Variants in GRIK1 observed in about 807,000 individuals in gnomAD.
GRIK1 encodes the protein glutamate receptor ionotropic, kainate 1.
Under a neutral mutation model 105.7 loss-of-function variants are expected in GRIK1, and 69 were observed. The observed-to-expected ratio is 0.65, with a 90% CI of 0.54 to 0.80. GRIK1 has a LOEUF of 0.80. Ranked by LOEUF, GRIK1 falls within the 30% of genes least tolerant of loss-of-function variation. GRIK1 has a pLI of 0.00. For synonymous variants in GRIK1, 438 were observed against 431.3 expected (o/e 1.02, Z -0.19); for missense variants, 1,109 against 1,167.3 (o/e 0.95, Z 0.73).
intron 1 of GRIK1, among the ~76,000 whole-genome samples, chr21:29,783,941 G>GT (rs1475016335): frequency 6.6e-6 from 1 of 151,992 alleles, no homozygotes; most frequent in Admixed American, 6.6e-5. Flanking sequence ...TTTGCTCTTT[G>GT]TTTTTTTTAG....
In GRIK1 at chr21:29,787,215, A is replaced by G. The variant is rs186140913; in HGVS notation, c.119-93152T>C. Among the ~76,000 whole-genome samples, 170 of 152,196 alleles carry G rather than the reference A, an allele frequency of 1.1e-3. 1 individual carries two copies. The highest frequency in any genetic ancestry group is 3.8e-3 in the African/African-American group (156 of 41,560). On this transcript the variant is annotated intron_variant, in intron 1 of 17. Transcript: ENST00000327783. Reference sequence around the variant, plus strand: ...GAACATGACAGGTGCATTTATTAATACAGAGGACTTAGTGTTAGAATGCCA... The same window carrying G: ...GAACATGACAGGTGCATTTATTAATGCAGAGGACTTAGTGTTAGAATGCCA...
At chr21:29,935,664 T>G (rs1314779197) in intron 1 of GRIK1, among the ~76,000 whole-genome samples, 1 of 152,210 alleles carries the variant, frequency 6.6e-6, no homozygotes, top group African/African-American at 2.4e-5. Context: ...TCACTATAGA[T>G]TTCCACACTA....
intron 1 of GRIK1, among the ~76,000 whole-genome samples, chr21:29,707,034 T>G (rs2063924448): frequency 6.6e-6 from 1 of 151,408 alleles, no homozygotes; most frequent in Non-Finnish European, 1.5e-5. Flanking sequence ...CCTGCTAATG[T>G]TTTGTATTTT....
intron 7 of GRIK1, among the ~76,000 whole-genome samples, chr21:29,612,157 T>C (rs1367061340): frequency 6.6e-6 from 1 of 152,198 alleles, no homozygotes; most frequent in Admixed American, 6.5e-5. Context: ...AATTGACACA[T>C]AGCGTTCTAT....
intron 1 of GRIK1, among the ~76,000 whole-genome samples, chr21:29,922,310 C>G (rs184994980): frequency 6.6e-6 from 1 of 152,174 alleles, no homozygotes; most frequent in Admixed American, 6.5e-5. Context: ...AAACCATTAA[C>G]ATCTTTATTT....
intron 1 of GRIK1, among the ~76,000 whole-genome samples, chr21:29,750,936 G>A (rs536804623): frequency 5.9e-5 from 9 of 152,300 alleles, no homozygotes; most frequent in Middle Eastern, 6.8e-3. Flanking sequence ...AAGAGTCAGC[G>A]AAGGGAGATA....
At chr21:29,628,874 T>C (rs1267348433) in intron 7 of GRIK1, among the ~76,000 whole-genome samples, 1 of 152,242 alleles carries the variant, frequency 6.6e-6, no homozygotes, top group African/African-American at 2.4e-5. Flanking sequence ...ATGTTATTTA[T>C]GGATGGTTTA....
At chr21:29,736,924 C>T (rs534427742) in intron 1 of GRIK1, among the ~76,000 whole-genome samples, 1 of 152,006 alleles carries the variant, frequency 6.6e-6, no homozygotes. Flanking sequence ...GGTAATCCAC[C>T]CACCTCGGCC....
At chr21:29,902,819 G>T (rs1293912761) in intron 1 of GRIK1, among the ~76,000 whole-genome samples, 2 of 152,160 alleles carry the variant, frequency 1.3e-5, no homozygotes, top group Admixed American at 1.3e-4. Flanking sequence ...GGCCCACATA[G>T]CCAAGACAAT....
At chr21:29,591,334 C>A (rs1390723242) in intron 9 of GRIK1, 109 bp from the exon 10 acceptor site, 3 of 753,810 alleles carry the variant, frequency 4.0e-6, no homozygotes, top group South Asian at 1.4e-5. Flanking sequence ...CAGTTTGGGA[C>A]ACTGGGGCAT....
At chr21:29,758,708 T>G (rs141213482) in intron 1 of GRIK1, 397 of 152,790 alleles carry the variant, frequency 2.6e-3, no homozygotes, top group African/African-American at 9.2e-3. Context: ...AGCCTGTATT[T>G]GCTTACATAG....
At position 29,537,280 on chromosome 21, in the gene GRIK1, T is replaced by C. The variant is rs749170947; in HGVS notation, c.2800A>G (p.Ile934Val). ...RTKGKSSFTS[I>V]LTCHQRRTQR... is the part of the protein sequence containing the mutation. Reference sequence around the variant, plus strand: ...GTTCGTCTCTGATGACAAGTAAGGATACTTGTGAAGGAAGATTTCCCCTTA... The same window carrying C: ...GTTCGTCTCTGATGACAAGTAAGGACACTTGTGAAGGAAGATTTCCCCTTA... Residue 934 changes from isoleucine to valine, a missense_variant, in exon 18 of 18, where the codon ATC becomes GTC. This residue lies in a region of GRIK1 where 161 missense variants were observed against 143.4 expected (regional missense o/e 1.12). Coordinates refer to ENST00000327783, the MANE Select transcript of GRIK1 (RefSeq NM_001330994.2). 31 of 1,612,320 alleles carry C rather than the reference T, an allele frequency of 1.9e-5. No individual in the cohort carries two copies. The highest frequency in any genetic ancestry group is 1.8e-4 in the East Asian group (8 of 44,814).
intron 1 of GRIK1, among the ~76,000 whole-genome samples, chr21:29,832,630 G>A (rs574491300): frequency 6.6e-6 from 1 of 152,302 alleles, no homozygotes; most frequent in Non-Finnish European, 1.5e-5. Flanking sequence ...GGCTGGAGCT[G>A]GAGCTGCTGG....
chr21:29,756,109 C>A (rs555743542), intron 1 of GRIK1, among the ~76,000 whole-genome samples: 281 of 152,304 alleles, frequency 1.8e-3, no homozygotes, highest in African/African-American at 6.7e-3. Context: ...GGGCCGGGCG[C>A]GGTGGCTCAC....
In GRIK1 at chr21:29,893,093, A is replaced by G. The variant is rs187686180; in HGVS notation, c.118+46290T>C. ...TAATATAAAATAATACAGTTGTTGA[A>G]ATTGGATGGAAATTTAAAGATTATC... On this transcript the variant is annotated intron_variant, in intron 1 of 17. Coordinates refer to ENST00000327783, the MANE Select transcript of GRIK1 (RefSeq NM_001330994.2). 3.7e-3 allele frequency among the ~76,000 whole-genome samples: 569 copies of G among 152,292 alleles called. 7 individuals carry two copies. The highest frequency in any genetic ancestry group is 3.1e-3 in the Admixed American group (47 of 15,310).
At chr21:29,861,581 A>AACCAACACT (rs879915253) in intron 1 of GRIK1, 96,647 of 351,214 alleles carry the variant, frequency 0.28, 15,422 homozygotes, top group African/African-American at 0.49. Context: ...GTGTGGGATT[A>AACCAACACT]TAGGTGTGAG....
chr21:29,938,079 G>A (rs1466373236), intron 1 of GRIK1, among the ~76,000 whole-genome samples: 2 of 152,158 alleles, frequency 1.3e-5, no homozygotes, highest in African/African-American at 2.4e-5. Context: ...TAGTGGGCAT[G>A]TTCAGTGATT....
At chr21:29,565,853 A>G (rs1568825011) in intron 14 of GRIK1, among the ~76,000 whole-genome samples, 1 of 152,118 alleles carries the variant, frequency 6.6e-6, no homozygotes, top group Non-Finnish European at 1.5e-5. Context: ...CCTTCCTATC[A>G]CATATGCAGG....
At chr21:29,711,280 A>G (rs2064043009) in intron 1 of GRIK1, among the ~76,000 whole-genome samples, 1 of 152,178 alleles carries the variant, frequency 6.6e-6, no homozygotes, top group Non-Finnish European at 1.5e-5. Context: ...ATATTTGGAT[A>G]TATAAATACC....
Sources: allele counts gnomAD v4.1 joint callset (sites outside exome capture counted in the v4.1 genomes callset), GRCh38; gene constraint gnomAD v4.1.1; regional missense constraint gnomAD v4.1.1; transcripts MANE v1.5; gene names NCBI Gene and HGNC (gene_info 2026-07-23, HGNC 2026-07-21).